R3HDM2: variants seen among roughly 807,000 people sequenced by gnomAD.
R3HDM2 encodes the protein R3H domain-containing protein 2.
In R3HDM2, 38 loss-of-function variants were observed where a neutral mutation model predicts 124.5. That is an observed-to-expected ratio of 0.31 (90% CI 0.24 to 0.40). The LOEUF (loss-of-function observed/expected upper bound fraction) is 0.40, where lower values mean the gene tolerates loss of function less well. Ranked by LOEUF, R3HDM2 falls within the 10% of genes least tolerant of loss-of-function variation. The pLI is 1.00. For synonymous variants in R3HDM2, 391 were observed against 448.0 expected (o/e 0.87, Z 1.61); for missense variants, 869 against 1,236.9 (o/e 0.70, Z 4.46).
chr12:57,390,197 AAAAG>A (rs2138651001), intron 2 of R3HDM2, among the ~76,000 whole-genome samples: 1 of 149,130 alleles, frequency 6.7e-6, no homozygotes, highest in South Asian at 2.1e-4. Flanking sequence ...AAGAAAGAAA[AAAAG>A]AAAAAATATA....
chr12:57,352,443 G>A (rs1350869466), intron 2 of R3HDM2, among the ~76,000 whole-genome samples: 1 of 148,752 alleles, frequency 6.7e-6, no homozygotes, highest in Admixed American at 6.7e-5. Flanking sequence ...TGTCAATGGA[G>A]TTTAAATAAG....
At chr12:57,299,876 G>A (rs1469462252) in intron 5 of R3HDM2, among the ~76,000 whole-genome samples, 1 of 151,732 alleles carries the variant, frequency 6.6e-6, no homozygotes, top group Non-Finnish European at 1.5e-5. Flanking sequence ...TTCTTTTTTA[G>A]GGTCCCCCTC....
rs1483346231 is a variant in R3HDM2 at position 57,421,586 on chromosome 12, C to A, written c.-106+9134G>T. Among the ~76,000 whole-genome samples the A allele has an allele frequency of 2.0e-5, 3 of 151,446 alleles. No homozygotes were observed. In the East Asian group the frequency reaches 5.8e-4, roughly 30 times the overall value. On this transcript the variant is annotated intron_variant, in intron 1 of 23. Coordinates refer to ENST00000402412, the MANE Select transcript of R3HDM2 (RefSeq NM_001394031.1). ...AATGTGGTGGGATTGTGGCTTACTG[C>A]AGCCTTGATTCCCAGGTTTAGGTAA...
chr12:57,404,648 C>T (rs1180095570), intron 1 of R3HDM2, among the ~76,000 whole-genome samples: 2 of 152,128 alleles, frequency 1.3e-5, no homozygotes, highest in East Asian at 1.9e-4. Context: ...TGCAGTGAGC[C>T]GAGATTGTGC....
intron 2 of R3HDM2, among the ~76,000 whole-genome samples, chr12:57,350,288 A>G (rs2060549082): frequency 1.3e-5 from 2 of 152,134 alleles, no homozygotes; most frequent in South Asian, 4.1e-4. Context: ...TAACAACAAT[A>G]AAAAATGGGA....
At chr12:57,382,757 A>G (rs1260703981) in intron 2 of R3HDM2, among the ~76,000 whole-genome samples, 2 of 151,688 alleles carry the variant, frequency 1.3e-5, no homozygotes, top group Admixed American at 1.3e-4. Flanking sequence ...AATGGCTTGA[A>G]CCCAGGAGGC....
In R3HDM2 at chr12:57,283,952, T is replaced by C. The variant is rs1426818252; in HGVS notation, c.1043A>G (p.Asp348Gly). ...GGGTCGCATGCTCCGGACAGAGCCA[T>C]CAGAGTCTGTGCTGCTCCAAGGGCG... Reference protein sequence around the residue: ...EPRPWSSTDSDGSVRSMRPPV... With the variant: ...EPRPWSSTDSGGSVRSMRPPV... Residue 348 changes from aspartate (D) to glycine (G), a missense_variant, in exon 13 of 24, where the codon GAT (aspartate) becomes GGT (glycine). Transcript: ENST00000402412. The C allele has an allele frequency of 1.2e-6, 2 of 1,613,974 alleles. No homozygotes were observed. The highest frequency in any genetic ancestry group is 1.7e-6 in the Non-Finnish European group (2 of 1,180,004).
rs116265576 is a variant in R3HDM2 at position 57,354,981 on chromosome 12, T to C, written c.-36+40768A>G. On this transcript the variant is annotated intron_variant, in intron 2 of 23. Transcript: ENST00000402412. ...CTGGGATTACAGGCATGTGCCACCA[T>C]GCCAGGCTAGTTTTGTTTTGTTTGT... 8.9e-3 allele frequency among the ~76,000 whole-genome samples: 1,345 copies of C among 151,926 alleles called. 18 individuals carry two copies. The highest frequency in any genetic ancestry group is 0.07 in the East Asian group (357 of 5,074).
intron 2 of R3HDM2, among the ~76,000 whole-genome samples, chr12:57,374,884 T>C (rs2063843517): frequency 6.7e-6 from 1 of 149,318 alleles, no homozygotes; most frequent in Non-Finnish European, 1.5e-5. Context: ...TAGTCCCAGC[T>C]ACTCTGGAGG....
intron 1 of R3HDM2, among the ~76,000 whole-genome samples, chr12:57,401,428 G>A (rs946279082): frequency 6.6e-6 from 1 of 152,142 alleles, no homozygotes; most frequent in African/African-American, 2.4e-5. Flanking sequence ...TGTGAATGAG[G>A]CTATCCAGGT....
At chr12:57,299,796 T>C (rs978541020) in intron 5 of R3HDM2, among the ~76,000 whole-genome samples, 2 of 152,144 alleles carry the variant, frequency 1.3e-5, no homozygotes, top group Non-Finnish European at 2.9e-5. Flanking sequence ...GGGATCTTCT[T>C]GTCTGCATCA....
At chr12:57,339,431 G>A (rs1372155967) in intron 2 of R3HDM2, among the ~76,000 whole-genome samples, 1 of 152,136 alleles carries the variant, frequency 6.6e-6, no homozygotes, top group Non-Finnish European at 1.5e-5. Context: ...GGCAGATGTG[G>A]TGGCTCATGA....
chr12:57,299,608 A>C, intron 5 of R3HDM2, 130 bp from the exon 6 acceptor site: 2 of 1,006,476 alleles, frequency 2.0e-6, no homozygotes, highest in Admixed American at 2.9e-5. Flanking sequence ...TTTGCTAATT[A>C]AACTGTTTTA....
intron 2 of R3HDM2, among the ~76,000 whole-genome samples, chr12:57,338,318 A>AAACAAT: frequency 6.7e-6 from 1 of 150,188 alleles, no homozygotes; most frequent in Middle Eastern, 3.4e-3. Context: ...ACAAAAACAA[A>AAACAAT]AACAAAAACA....
chr12:57,274,807 G>T (rs1383306728), intron 14 of R3HDM2, among the ~76,000 whole-genome samples: 1 of 152,168 alleles, frequency 6.6e-6, no homozygotes, highest in African/African-American at 2.4e-5. Flanking sequence ...ACTGCTGAAA[G>T]AAATCATAGA....
At chr12:57,421,237 C>T (rs1233739040) in intron 1 of R3HDM2, among the ~76,000 whole-genome samples, 1 of 146,030 alleles carries the variant, frequency 6.8e-6, no homozygotes, top group South Asian at 2.3e-4. Flanking sequence ...CAGCAACCTC[C>T]GCCTACTAGA....
At chr12:57,261,170 G>A (rs1030798275) in intron 19 of R3HDM2, among the ~76,000 whole-genome samples, 2 of 152,080 alleles carry the variant, frequency 1.3e-5, no homozygotes, top group African/African-American at 4.8e-5. Flanking sequence ...CCTAAGAATC[G>A]CTCACCTGCT....
chr12:57,338,025 CG>C (rs1566233817), intron 2 of R3HDM2, among the ~76,000 whole-genome samples: 1 of 152,126 alleles, frequency 6.6e-6, no homozygotes, highest in Non-Finnish European at 1.5e-5. Context: ...CACGCATGGC[CG>C]GGTGCAGTGG....
chr12:57,388,974 T>G (rs902226680), intron 2 of R3HDM2, among the ~76,000 whole-genome samples: 1 of 152,206 alleles, frequency 6.6e-6, no homozygotes, highest in Non-Finnish European at 1.5e-5. Context: ...AATCTGATTT[T>G]CACCAAATAT....
Sources: gnomAD v4.1 joint callset for allele counts (sites outside exome capture counted in the v4.1 genomes callset) on GRCh38, gnomAD v4.1.1 for gene constraint, MANE v1.5 for transcripts, NCBI Gene and HGNC (gene_info 2026-07-23, HGNC 2026-07-21) for gene names.